Variants in INTS12 observed in about 807,000 individuals in gnomAD.
INTS12 encodes the protein integrator complex subunit 12, also known as PHD finger protein 22.
Under a neutral mutation model 41.6 loss-of-function variants are expected in INTS12, and 13 were observed. That is an observed-to-expected ratio of 0.31 (90% confidence interval 0.20 to 0.50). The LOEUF is 0.50. Ranked by LOEUF, INTS12 falls within the 20% of genes least tolerant of loss-of-function variation. The pLI, the probability that INTS12 is intolerant of heterozygous loss-of-function variation, is 0.98. For synonymous variants in INTS12, 199 were observed against 191.4 expected (o/e 1.04, Z -0.33); for missense variants, 432 against 541.6 (o/e 0.80, Z 2.01).
chr4:105,695,935 C>T (rs112119830), intron 3 of INTS12, among the ~76,000 whole-genome samples: 2 of 152,002 alleles, frequency 1.3e-5, no homozygotes, highest in Non-Finnish European at 2.9e-5. Context: ...CTCACTGCAA[C>T]CTCTGCCTCC....
chr4:105,697,642 T>G (rs979430774), intron 3 of INTS12, among the ~76,000 whole-genome samples: 2 of 152,138 alleles, frequency 1.3e-5, no homozygotes, highest in Admixed American at 6.6e-5. Flanking sequence ...ATGGAGACCA[T>G]CTGGCACACA....
intron 2 of INTS12, chr4:105,700,301 CCTAA>C (rs1732018960): frequency 1.6e-5 from 3 of 187,614 alleles, no homozygotes; most frequent in East Asian, 2.5e-4. Flanking sequence ...AGAACTCCTT[CCTAA>C]CTGTGTTTTA....
At chr4:105,693,278 C>T (rs770242765) in intron 5 of INTS12, 21 bp downstream of exon 5, 94 of 1,550,422 alleles carry the variant, frequency 6.1e-5, no homozygotes, top group Non-Finnish European at 8.2e-5. Flanking sequence ...ACAAAAGAAT[C>T]TGTGGCAAGG....
In INTS12 at chr4:105,708,401, T is replaced by C. The variant is rs947597439; in HGVS notation, c.-172+237A>G. ...GGCAGGATTCCAAGTCCCTTGTCCC[T>C]AGACCTAGAAATATGCTCGGTCCGC... On this transcript the variant is annotated intron_variant, in intron 1 of 7. Transcript: ENST00000340139. 2.4e-5 allele frequency: 24 copies of C among 985,362 alleles called. No individual in the cohort carries two copies. In the South Asian group the frequency reaches 9.4e-4, roughly 39 times the overall value. The allele number at this position is 985,362 out of a possible 1,614,324, so 61.0% of individuals were successfully genotyped here.
intron 5 of INTS12, 126 bp downstream of exon 5, chr4:105,693,173 G>A: frequency 1.5e-6 from 1 of 675,462 alleles, no homozygotes; most frequent in Admixed American, 3.2e-5. Context: ...CTCCACCCCA[G>A]TTCCAAATAG....
At chr4:105,692,817 C>G (rs1049091630) in intron 5 of INTS12, among the ~76,000 whole-genome samples, 2 of 152,126 alleles carry the variant, frequency 1.3e-5, no homozygotes, top group African/African-American at 4.8e-5. Context: ...TGTTGTTGTT[C>G]TTCATTAATA....
At chr4:105,704,597 C>T (rs961355319) in intron 1 of INTS12, among the ~76,000 whole-genome samples, 2 of 152,178 alleles carry the variant, frequency 1.3e-5, no homozygotes, top group Non-Finnish European at 2.9e-5. Flanking sequence ...TACATCTCTG[C>T]AGTCCATGTG....
chr4:105,689,256 C>T (rs1386338441), intron 6 of INTS12, among the ~76,000 whole-genome samples: 1 of 152,206 alleles, frequency 6.6e-6, no homozygotes, highest in Non-Finnish European at 1.5e-5. Flanking sequence ...ATGTGTACCG[C>T]AGAACTTGCC....
intron 2 of INTS12, chr4:105,703,103 C>T (rs913204274): frequency 1.2e-6 from 1 of 820,284 alleles, no homozygotes; most frequent in African/African-American, 1.9e-5. Context: ...ATATTCATTC[C>T]TAAACCCATG....
At chr4:105,696,094 G>A (rs998337338) in intron 3 of INTS12, among the ~76,000 whole-genome samples, 13 of 151,978 alleles carry the variant, frequency 8.6e-5, no homozygotes, top group Admixed American at 1.3e-4. Flanking sequence ...CAAATGATCC[G>A]CCCACCTCGG....
At chr4:105,696,872 T>C (rs951401026) in intron 3 of INTS12, among the ~76,000 whole-genome samples, 2 of 152,210 alleles carry the variant, frequency 1.3e-5, no homozygotes, top group Non-Finnish European at 2.9e-5. Context: ...TGGCTACTCT[T>C]TTTAAATTGT....
intron 3 of INTS12, 161 bp from the exon 4 acceptor site, chr4:105,695,829 T>C (rs1731843030): frequency 1.5e-6 from 1 of 649,056 alleles, no homozygotes; most frequent in South Asian, 1.9e-5. Context: ...TGAGAAATAA[T>C]TGATATACAA....
At chr4:105,699,774 A>G in intron 3 of INTS12, 76 bp downstream of exon 3, 1 of 962,062 alleles carries the variant, frequency 1.0e-6, no homozygotes, top group Middle Eastern at 2.4e-4. Context: ...GATTGTTTTG[A>G]GATGGTCTAT....
chr4:105,706,316 G>A (rs1732260925), intron 1 of INTS12: 1 of 136,848 alleles, frequency 7.3e-6, no homozygotes, highest in Non-Finnish European at 1.5e-5. Context: ...GGAGTGCACT[G>A]AGATCATGGC....
chr4:105,693,840 G>T (rs1378723271), intron 4 of INTS12, among the ~76,000 whole-genome samples: 1 of 152,006 alleles, frequency 6.6e-6, no homozygotes, highest in African/African-American at 2.4e-5. Flanking sequence ...AGCAAATTCG[G>T]ATTCCCTTCT....
In INTS12 at chr4:105,682,835, T is replaced by G. The variant is rs1388319062; in HGVS notation, c.1287A>C (p.Ser429=). The change falls in exon 8 of 8, where the codon TCA becomes TCC. Residue 429 remains serine (S), a synonymous_variant. Transcript: ENST00000340139. ...KTTSESSSSP[S]ASLKGPTSQE... ...GTGAAGTTGGGCCTTTAAGGGATGC[T>G]GAGGGAGAGCTGCTGGATTCTGAAG... is the stretch of plus-strand genomic sequence containing the variant. 1.2e-6 allele frequency: 2 copies of G among 1,614,114 alleles called. No homozygotes were observed. Among genetic ancestry groups the G allele is most frequent in the Non-Finnish European group, 1.7e-6 (2 of 1,179,962 alleles).
At chr4:105,706,758 T>C (rs1353734010) in intron 1 of INTS12, among the ~76,000 whole-genome samples, 1 of 152,226 alleles carries the variant, frequency 6.6e-6, no homozygotes, top group East Asian at 1.9e-4. Flanking sequence ...CTACTCCTTA[T>C]ATTCAAATAA....
chr4:105,708,638 C>T lies in INTS12; in HGVS notation c.-172G>A, dbSNP rs1560786168. The T allele has an allele frequency of 2.0e-6, 2 of 980,106 alleles. No homozygotes were observed. The highest frequency in any genetic ancestry group is 1.2e-6 in the Non-Finnish European group (1 of 825,258). The allele number at this position is 980,106 out of a possible 1,614,324, so 60.7% of individuals were successfully genotyped here. A position where few individuals can be genotyped will look rare whatever the true frequency, so the allele number is the denominator to read the frequency against. ...AGCAGAGTCGCTCAGCATAACTCAC[C>T]GTTCCGCCCCGCCCTGCCGATCCGT... On this transcript the variant is annotated splice_region_variant and 5_prime_UTR_variant, in exon 1 of 8. Coordinates refer to ENST00000340139, the MANE Select transcript of INTS12 (RefSeq NM_020395.4).
Position 105,699,961 on chromosome 4 carries a change from T to A in INTS12, c.45A>T (p.Lys15Asn), listed in dbSNP as rs147870230. The A allele has an allele frequency of 6.6e-7, 1 of 1,513,990 alleles. No homozygotes were observed. The highest frequency in any genetic ancestry group is 9.0e-7 in the Non-Finnish European group (1 of 1,113,782). The allele number at this position is 1,513,990 out of a possible 1,614,324, so 93.8% of individuals were successfully genotyped here. ...VNLELDPIFL[K>N]ALGFLHSKSK... ...TCTTTGAATGCAAGAAACCTAGTGCTTTCAAAAAAATGGGATCAAGTTCCA... is the reference window on the plus strand; with the variant it reads ...TCTTTGAATGCAAGAAACCTAGTGCATTCAAAAAAATGGGATCAAGTTCCA... Residue 15 changes from lysine (K) to asparagine (N), a missense_variant, in exon 3 of 8, where the codon AAA (lysine) becomes AAT (asparagine). Lys to Asn is a moderately conservative substitution (Grantham distance 94). Coordinates refer to ENST00000340139, the MANE Select transcript of INTS12 (RefSeq NM_020395.4).
Sources: allele counts gnomAD v4.1 joint callset (sites outside exome capture counted in the v4.1 genomes callset), GRCh38; gene constraint gnomAD v4.1.1; transcripts MANE v1.5; gene names NCBI Gene and HGNC (gene_info 2026-07-23, HGNC 2026-07-21).